The following NCAM1 variants were observed in gnomAD, a reference collection of about 807,000 sequenced individuals.
The protein encoded by NCAM1 is neural cell adhesion molecule 1.
NCAM1 carries 14 observed loss-of-function variants against 109.8 expected under a neutral mutation model. The ratio of observed to expected loss-of-function variants is 0.13; its 90% CI spans 0.08 to 0.20. The LOEUF (loss-of-function observed/expected upper bound fraction) is 0.20. Among genes scored for constraint, NCAM1 ranks in the 10% least tolerant of loss-of-function variants. The probability of loss-of-function intolerance (pLI) is 1.00; values close to 1 mark genes in which losing one functional copy is unlikely to be tolerated. For missense variants in NCAM1, 774 were observed against 1,109.9 expected (o/e 0.70, Z 4.30); for synonymous variants, 418 against 442.9 (o/e 0.94, Z 0.70).
At chr11:113,232,477 G>T (rs1015131352) in intron 11 of NCAM1, 123 bp downstream of exon 11, 1 of 1,085,820 alleles carries the variant, frequency 9.2e-7, no homozygotes, top group African/African-American at 1.6e-5. Flanking sequence ...GAAGGCATGG[G>T]CTAGAGAAGA....
At chr11:113,186,203 C>T (rs1943503793) in intron 1 of NCAM1, among the ~76,000 whole-genome samples, 1 of 152,232 alleles carries the variant, frequency 6.6e-6, no homozygotes, top group Non-Finnish European at 1.5e-5. Flanking sequence ...GGCTGCACGG[C>T]AGGAGGTGAG....
chr11:112,992,665 T>G, intron 1 of NCAM1, among the ~76,000 whole-genome samples: 1 of 151,982 alleles, frequency 6.6e-6, no homozygotes, highest in East Asian at 1.9e-4. Context: ...CATGCCCGGC[T>G]AATTTTTTTA....
At chr11:113,114,862 A>G (rs1421970868) in intron 1 of NCAM1, among the ~76,000 whole-genome samples, 1 of 152,220 alleles carries the variant, frequency 6.6e-6, no homozygotes, top group Non-Finnish European at 1.5e-5. Context: ...AAAATTTTGT[A>G]TCTGAAGTGC....
intron 1 of NCAM1, among the ~76,000 whole-genome samples, chr11:113,190,019 G>A (rs553111665): frequency 6.6e-6 from 1 of 152,264 alleles, no homozygotes; most frequent in Non-Finnish European, 1.5e-5. Flanking sequence ...GGAGGTCCCA[G>A]TGACCAAGTT....
At chr11:112,979,510 A>G (rs1951094799) in intron 1 of NCAM1, among the ~76,000 whole-genome samples, 2 of 151,828 alleles carry the variant, frequency 1.3e-5, no homozygotes, top group Admixed American at 6.6e-5. Context: ...GGAAACAACT[A>G]TAGAAAAAAA....
intron 17 of NCAM1, among the ~76,000 whole-genome samples, chr11:113,267,433 A>G (rs782573539): frequency 2.2e-4 from 33 of 151,714 alleles, no homozygotes; most frequent in Admixed American, 6.6e-4. Context: ...GTGCCACACT[A>G]GATAAGAGAT....
At chr11:113,071,599 G>C (rs2135568718) in intron 1 of NCAM1, among the ~76,000 whole-genome samples, 1 of 152,028 alleles carries the variant, frequency 6.6e-6, no homozygotes, top group South Asian at 2.1e-4. Context: ...CTAATTTTTT[G>C]TATTTTTAGT....
At chr11:113,073,641 G>A (rs957058129) in intron 1 of NCAM1, among the ~76,000 whole-genome samples, 44 of 152,140 alleles carry the variant, frequency 2.9e-4, no homozygotes, top group African/African-American at 1.0e-3. Context: ...TTAATATCCT[G>A]AGGCCATATG....
At chr11:113,165,909 T>C (rs1291476037) in intron 1 of NCAM1, among the ~76,000 whole-genome samples, 1 of 151,110 alleles carries the variant, frequency 6.6e-6, no homozygotes, top group Non-Finnish European at 1.5e-5. Flanking sequence ...GCCTCCCGGG[T>C]TCATGCCATT....
chr11:113,100,246 C>A (rs1014146524), intron 1 of NCAM1, among the ~76,000 whole-genome samples: 16 of 152,158 alleles, frequency 1.1e-4, no homozygotes, highest in Admixed American at 7.2e-4. Flanking sequence ...GTGGTTCAAA[C>A]CCCTTGTGGA....
chr11:113,192,043 A>G (rs1943693829), intron 1 of NCAM1, among the ~76,000 whole-genome samples: 1 of 152,240 alleles, frequency 6.6e-6, no homozygotes, highest in African/African-American at 2.4e-5. Context: ...CAGCTGGACA[A>G]ATATTGAAAG....
chr11:113,244,850 T>C (rs577333343), intron 14 of NCAM1, among the ~76,000 whole-genome samples: 12 of 152,332 alleles, frequency 7.9e-5, no homozygotes, highest in Non-Finnish European at 1.5e-4. Context: ...CAGCTCACGG[T>C]GGCAAGGGAA....
At position 113,233,460 on chromosome 11, in the gene NCAM1, T is replaced by C. The variant is rs1945069502; in HGVS notation, c.1693+143T>C. On this transcript the variant is annotated intron_variant, in intron 13 of 19. Coordinates refer to ENST00000316851, the MANE Select transcript of NCAM1 (RefSeq NM_181351.5). This position sits in a 1 kb window ranked among gnomAD's most constrained non-coding sequence, Gnocchi z 4.5. ...GTCAAAGTCATATCTGCCTGTAGAG[T>C]TGTTGCCCCTATTGCCACCCCAACC... The C allele has an allele frequency of 4.3e-6, 4 of 923,008 alleles. No homozygotes were observed. Among genetic ancestry groups the C allele is most frequent in the Non-Finnish European group, 6.5e-6 (4 of 618,112 alleles). 57.2% of individuals were successfully genotyped at this position (923,008 alleles called of 1,614,324 possible). A position where few individuals can be genotyped will look rare whatever the true frequency, so the allele number is the denominator to read the frequency against.
At chr11:113,104,609 G>T (rs1467696080) in intron 1 of NCAM1, among the ~76,000 whole-genome samples, 2 of 152,106 alleles carry the variant, frequency 1.3e-5, no homozygotes, top group Non-Finnish European at 2.9e-5. Flanking sequence ...TGAATCGGGG[G>T]TAATCACTCG....
intron 1 of NCAM1, among the ~76,000 whole-genome samples, chr11:113,126,463 C>T (rs1283070487): frequency 6.6e-6 from 1 of 152,134 alleles, no homozygotes; most frequent in Non-Finnish European, 1.5e-5. Context: ...GGTGGGCCTA[C>T]CCCATGTGCT....
intron 1 of NCAM1, among the ~76,000 whole-genome samples, chr11:113,088,095 A>G (rs1399617428): frequency 6.6e-6 from 1 of 152,252 alleles, no homozygotes; most frequent in African/African-American, 2.4e-5. Context: ...GTGATACTAT[A>G]TGCTGAAGAA....
At chr11:113,121,050 T>C (rs1011240597) in intron 1 of NCAM1, among the ~76,000 whole-genome samples, 2 of 152,072 alleles carry the variant, frequency 1.3e-5, no homozygotes, top group Non-Finnish European at 1.5e-5. Flanking sequence ...AGGGAAGCGA[T>C]TGAAGGCAAT....
chr11:113,045,856 T>C (rs12283168), intron 1 of NCAM1, among the ~76,000 whole-genome samples: 3,196 of 152,198 alleles, frequency 0.021, 102 homozygotes, highest in African/African-American at 0.073. Context: ...TTTTTTTTTT[T>C]CTTAAATTGG....
intron 1 of NCAM1, among the ~76,000 whole-genome samples, chr11:112,970,323 C>T (rs1217408570): frequency 1.3e-5 from 2 of 152,138 alleles, no homozygotes; most frequent in South Asian, 4.1e-4. Context: ...TAGTTCATTG[C>T]AGCACTAAAA....
Sources: gnomAD v4.1 joint callset for allele counts (sites outside exome capture counted in the v4.1 genomes callset) on GRCh38, gnomAD v4.1.1 for gene constraint, Gnocchi (gnomAD v3.1) non-coding constraint, MANE v1.5 for transcripts, NCBI Gene and HGNC (gene_info 2026-07-23, HGNC 2026-07-21) for gene names.